The following GRID2 variants were observed in gnomAD, a reference collection of about 807,000 sequenced individuals.
GRID2 encodes the protein glutamate ionotropic receptor delta type subunit 2.
GRID2 carries 33 observed loss-of-function variants against 114.8 expected under a neutral mutation model. The observed-to-expected ratio is 0.29, with a 90% CI of 0.22 to 0.38. GRID2 has a LOEUF of 0.38. GRID2 is among the 10% of genes least tolerant of loss of function. The probability of loss-of-function intolerance (pLI) is 1.00; values close to 1 mark genes in which losing one functional copy is unlikely to be tolerated. For missense variants in GRID2, 1,184 were observed against 1,257.7 expected, an observed-to-expected ratio of 0.94 and a Z score of 0.89; for synonymous variants, 505 against 449.9, an observed-to-expected ratio of 1.12 and a Z score of -1.55.
At chr4:93,351,009 A>C (rs749360367) in intron 8 of GRID2, among the ~76,000 whole-genome samples, 1 of 151,764 alleles carries the variant, frequency 6.6e-6, no homozygotes, top group Non-Finnish European at 1.5e-5. Flanking sequence ...GTGCAGGGGA[A>C]CTCCCATTTA....
chr4:93,701,871 G>C (rs1415038701), intron 14 of GRID2, among the ~76,000 whole-genome samples: 1 of 151,810 alleles, frequency 6.6e-6, no homozygotes, highest in Non-Finnish European at 1.5e-5. Context: ...ACAAATTTAA[G>C]ACAGTTTATT....
intron 2 of GRID2, among the ~76,000 whole-genome samples, chr4:92,679,239 T>C (rs1333140360): frequency 6.6e-6 from 1 of 152,034 alleles, no homozygotes; most frequent in African/African-American, 2.4e-5. Flanking sequence ...TTTTTGTTTG[T>C]CTTTAGTTCT....
chr4:93,625,539 AT>A (rs1370133476), intron 13 of GRID2, among the ~76,000 whole-genome samples: 19 of 152,258 alleles, frequency 1.2e-4, no homozygotes, highest in African/African-American at 4.6e-4. Context: ...CAGGTTCTGC[AT>A]GTGCAGATTC....
rs1726918995 is a variant in GRID2, at chr4:93,490,783, TA to T, written c.1997+9del. 1 of 1,600,230 alleles carries T rather than the reference TA, an allele frequency of 6.2e-7. No homozygotes were observed. The highest frequency in any genetic ancestry group is 1.3e-5 in the African/African-American group (1 of 74,470). ...CGCATTGAAAGTTCCATCCAGTAAGTAAACAATGTTTCCATTAGCCACAAAA... is the reference window on the plus strand; with the variant it reads ...CGCATTGAAAGTTCCATCCAGTAAGTAACAATGTTTCCATTAGCCACAAAA... On this transcript the variant is annotated splice_region_variant and intron_variant, in intron 12 of 15. Transcript: ENST00000282020.
chr4:92,867,039 T>C (rs1271510042), intron 2 of GRID2, among the ~76,000 whole-genome samples: 3 of 152,214 alleles, frequency 2.0e-5, no homozygotes, highest in African/African-American at 7.2e-5. Context: ...ATCTTTTTGA[T>C]GGCTTAGTAG....
intron 8 of GRID2, among the ~76,000 whole-genome samples, chr4:93,380,393 C>G (rs1209164643): frequency 6.6e-6 from 1 of 151,218 alleles, no homozygotes; most frequent in Non-Finnish European, 1.5e-5. Flanking sequence ...TCCTCTGGAA[C>G]TTGGAGAGAA....
At chr4:92,789,050 A>G (rs931143268) in intron 2 of GRID2, among the ~76,000 whole-genome samples, 2 of 151,866 alleles carry the variant, frequency 1.3e-5, no homozygotes, top group Non-Finnish European at 2.9e-5. Context: ...CTTAAAAGAT[A>G]ATTTTGTCAG....
intron 1 of GRID2, among the ~76,000 whole-genome samples, chr4:92,398,414 C>T (rs2110275266): frequency 6.6e-6 from 1 of 152,232 alleles, no homozygotes; most frequent in Admixed American, 6.5e-5. Context: ...GATCCTCCTG[C>T]CTCGGCCTCC....
intron 3 of GRID2, among the ~76,000 whole-genome samples, chr4:93,094,117 G>T (rs188453618): frequency 6.6e-5 from 10 of 152,094 alleles, no homozygotes; most frequent in African/African-American, 2.2e-4. Flanking sequence ...GAATGATTGT[G>T]TTTGTGTTAA....
intron 14 of GRID2, among the ~76,000 whole-genome samples, chr4:93,666,899 C>A (rs1723996536): frequency 6.6e-6 from 1 of 152,110 alleles, no homozygotes; most frequent in African/African-American, 2.4e-5. Context: ...TTATAAAATT[C>A]TTTTTAAATA....
chr4:93,493,174 G>A (rs1365813752), intron 12 of GRID2, among the ~76,000 whole-genome samples: 1 of 151,752 alleles, frequency 6.6e-6, no homozygotes, highest in African/African-American at 2.4e-5. Context: ...TATCCTTAAA[G>A]CTCAAAATTT....
chr4:92,500,336 G>T (rs753961267), intron 1 of GRID2, among the ~76,000 whole-genome samples: 5 of 151,852 alleles, frequency 3.3e-5, no homozygotes, highest in African/African-American at 7.3e-5. Context: ...TCATTAAGAT[G>T]TCATTAGTGA....
intron 8 of GRID2, among the ~76,000 whole-genome samples, chr4:93,330,389 C>A (rs539258282): frequency 3.3e-5 from 5 of 152,250 alleles, no homozygotes; most frequent in Admixed American, 6.5e-5. Context: ...GATTACCAGG[C>A]AAGGTTCTTC....
intron 8 of GRID2, among the ~76,000 whole-genome samples, chr4:93,338,988 T>G (rs1759365980): frequency 6.6e-6 from 1 of 152,128 alleles, no homozygotes; most frequent in African/African-American, 2.4e-5. Flanking sequence ...TCACTTGCTT[T>G]AGAGGAAGCT....
chr4:92,454,659 A>G (rs961951105), intron 1 of GRID2, among the ~76,000 whole-genome samples: 1 of 151,538 alleles, frequency 6.6e-6, no homozygotes, highest in Non-Finnish European at 1.5e-5. Context: ...ACACGGTGAA[A>G]CCCCGCCTCT....
intron 11 of GRID2, among the ~76,000 whole-genome samples, chr4:93,476,195 C>A (rs931806791): frequency 6.6e-6 from 1 of 151,942 alleles, no homozygotes; most frequent in Non-Finnish European, 1.5e-5. Context: ...AGCAAATAGG[C>A]AATTGGTATA....
intron 1 of GRID2, among the ~76,000 whole-genome samples, chr4:92,400,716 T>G (rs1464277292): frequency 6.6e-6 from 1 of 152,232 alleles, no homozygotes; most frequent in Non-Finnish European, 1.5e-5. Flanking sequence ...CATTTTACAT[T>G]ACCACCATTA....
chr4:92,480,138 G>T (rs556698740), intron 1 of GRID2, among the ~76,000 whole-genome samples: 1 of 152,038 alleles, frequency 6.6e-6, no homozygotes, highest in South Asian at 2.1e-4. Flanking sequence ...TATCTTCTCA[G>T]TTCTACTAAA....
intron 1 of GRID2, among the ~76,000 whole-genome samples, chr4:92,502,416 AT>A (rs1723729933): frequency 6.6e-6 from 1 of 152,136 alleles, no homozygotes; most frequent in East Asian, 1.9e-4. Flanking sequence ...GCCACATAAA[AT>A]ATAAAATGAG....
Sources: allele counts gnomAD v4.1 joint callset (sites outside exome capture counted in the v4.1 genomes callset), GRCh38; gene constraint gnomAD v4.1.1; transcripts MANE v1.5; gene names NCBI Gene and HGNC (gene_info 2026-07-23, HGNC 2026-07-21).